The following EIF3H variants were observed in gnomAD, a reference collection of about 807,000 sequenced individuals.
The protein encoded by EIF3H is eIF-3-gamma.
In EIF3H, 26 loss-of-function variants were observed where a neutral mutation model predicts 44.2. The observed-to-expected ratio is 0.59, with a 90% CI of 0.43 to 0.82. EIF3H has a LOEUF of 0.82. Among genes scored for constraint, EIF3H ranks in the 40% least tolerant of loss-of-function variants. The pLI is 0.00. For synonymous variants in EIF3H, 166 were observed against 151.9 expected (o/e 1.09, Z -0.68); for missense variants, 359 against 432.8 (o/e 0.83, Z 1.51).
chr8:116,712,406 G>A (rs1203178076), intron 2 of EIF3H, among the ~76,000 whole-genome samples: 1 of 152,124 alleles, frequency 6.6e-6, no homozygotes, highest in Non-Finnish European at 1.5e-5. Context: ...TTAGATGTTA[G>A]AGGGCAAAAA....
intron 2 of EIF3H, among the ~76,000 whole-genome samples, chr8:116,675,471 T>C (rs1174360439): frequency 1.3e-5 from 2 of 152,354 alleles, no homozygotes; most frequent in African/African-American, 4.8e-5. Flanking sequence ...ATCCTCTATA[T>C]GCCAGTAATG....
intron 1 of EIF3H, among the ~76,000 whole-genome samples, chr8:116,742,349 A>C (rs1334463247): frequency 6.6e-6 from 1 of 152,212 alleles, no homozygotes; most frequent in Non-Finnish European, 1.5e-5. Flanking sequence ...AGTCACATGT[A>C]AGTATAATGA....
chr8:116,758,394 C>T (rs761155831), upstream of EIF3H, among the ~76,000 whole-genome samples: 84 of 152,198 alleles, frequency 5.5e-4, 1 homozygote, highest in East Asian at 1.7e-3. Flanking sequence ...AAAAAATGGG[C>T]AAATCCATAA....
At chr8:116,662,155 C>G (rs1177279040) in intron 2 of EIF3H, among the ~76,000 whole-genome samples, 1 of 152,184 alleles carries the variant, frequency 6.6e-6, no homozygotes, top group Non-Finnish European at 1.5e-5. Flanking sequence ...ATACAATGCA[C>G]TAGAATTTCA....
intron 2 of EIF3H, among the ~76,000 whole-genome samples, chr8:116,725,810 A>T (rs534191327): frequency 2.8e-4 from 42 of 150,548 alleles, no homozygotes; most frequent in Non-Finnish European, 5.1e-4. Flanking sequence ...ACAAATTCCA[A>T]ATAAGTAAAG....
At chr8:116,691,270 T>G (rs7823271) in intron 2 of EIF3H, among the ~76,000 whole-genome samples, 26,125 of 152,120 alleles carry the variant, frequency 0.17, 3,314 homozygotes, top group African/African-American at 0.36. Context: ...TTGCCAGCAG[T>G]ACTAACAGCT....
intron 1 of EIF3H, among the ~76,000 whole-genome samples, chr8:116,752,712 GAAAGAA>G (rs1815365977): frequency 7.8e-6 from 1 of 128,144 alleles, no homozygotes; most frequent in East Asian, 2.7e-4. Context: ...AAGAAAGAAA[GAAAGAA>G]AGAAAGAAAG....
At chr8:116,759,732 C>T (rs115771521), upstream of EIF3H, among the ~76,000 whole-genome samples, 2,055 of 151,906 alleles carry the variant, frequency 0.014, 58 homozygotes, top group African/African-American at 0.048. Context: ...CGTGTGCGCG[C>T]GCACACACGC....
chr8:116,694,730 A>G (rs1814238597), intron 2 of EIF3H, among the ~76,000 whole-genome samples: 1 of 152,206 alleles, frequency 6.6e-6, no homozygotes, highest in Admixed American at 6.5e-5. Flanking sequence ...TCTGACCTAC[A>G]TGTAAATTAT....
intron 2 of EIF3H, among the ~76,000 whole-genome samples, chr8:116,716,065 T>A (rs1814654859): frequency 6.6e-6 from 1 of 152,008 alleles, no homozygotes; most frequent in Admixed American, 6.6e-5. Flanking sequence ...AACAGAAAAC[T>A]TATAATAACA....
chr8:116,744,040 C>T (rs35792844), intron 1 of EIF3H, among the ~76,000 whole-genome samples: 76,036 of 151,070 alleles, frequency 0.5, 20,861 homozygotes, highest in Non-Finnish European at 0.63. Context: ...CTGAACAGTA[C>T]AGACAATGTA....
chr8:116,678,777 T>C (rs1813900500), intron 2 of EIF3H, among the ~76,000 whole-genome samples: 1 of 139,994 alleles, frequency 7.1e-6, no homozygotes, highest in Non-Finnish European at 1.6e-5. Flanking sequence ...GTCTGAGAAG[T>C]GAGGAGCCCC....
At chr8:116,692,477 C>T (rs1261146913) in intron 2 of EIF3H, among the ~76,000 whole-genome samples, 1 of 152,116 alleles carries the variant, frequency 6.6e-6, no homozygotes, top group Non-Finnish European at 1.5e-5. Context: ...GACCACCTAG[C>T]TTATTAACTC....
chr8:116,696,921 C>T, intron 2 of EIF3H: 1 of 321,780 alleles, frequency 3.1e-6, no homozygotes, highest in Non-Finnish European at 6.1e-6. Flanking sequence ...AAAGAAAACA[C>T]AAAACCAACA....
intron 1 of EIF3H, among the ~76,000 whole-genome samples, chr8:116,754,141 G>T (rs1351735934): frequency 1.3e-5 from 2 of 151,724 alleles, no homozygotes; most frequent in Non-Finnish European, 2.9e-5. Flanking sequence ...TTGGACGGAG[G>T]CTCGCTCTAT....
chr8:116,678,115 G>A (rs969718811), intron 2 of EIF3H, among the ~76,000 whole-genome samples: 1 of 150,756 alleles, frequency 6.6e-6, no homozygotes, highest in African/African-American at 2.4e-5. Context: ...TCAGCCTGCC[G>A]AGTGCCTGCG....
At chr8:116,732,323 A>G (rs1200426750) in intron 1 of EIF3H, among the ~76,000 whole-genome samples, 1 of 152,238 alleles carries the variant, frequency 6.6e-6, no homozygotes, top group Non-Finnish European at 1.5e-5. Flanking sequence ...TAAAATATAA[A>G]TACCAATCTA....
intron 1 of EIF3H, among the ~76,000 whole-genome samples, chr8:116,742,122 T>C (rs773135179): frequency 2.9e-4 from 44 of 151,958 alleles, no homozygotes; most frequent in Admixed American, 7.9e-4. Context: ...CTGACACACA[T>C]GGGATTAGTT....
At chr8:116,661,490 A>C (rs932593357) in intron 2 of EIF3H, among the ~76,000 whole-genome samples, 5 of 152,168 alleles carry the variant, frequency 3.3e-5, no homozygotes, top group African/African-American at 1.2e-4. Context: ...CTGTACAGTT[A>C]ATAATTCTTC....
Sources: allele counts gnomAD v4.1 joint callset (sites outside exome capture counted in the v4.1 genomes callset), GRCh38; gene constraint gnomAD v4.1.1; transcripts MANE v1.5; gene names NCBI Gene and HGNC (gene_info 2026-07-23, HGNC 2026-07-21).